The following CYTH2 variants were observed in gnomAD, a reference collection of about 807,000 sequenced individuals.
CYTH2 encodes cytohesin 2, also known as cytohesin-2.
CYTH2 carries 24 observed loss-of-function variants against 55.4 expected under a neutral mutation model. The ratio of observed to expected loss-of-function variants is 0.43; its 90% CI spans 0.31 to 0.61. The LOEUF is 0.61. Ranked by LOEUF, CYTH2 falls within the 20% of genes least tolerant of loss-of-function variation. The probability of loss-of-function intolerance (pLI) is 0.08; values close to 1 mark genes in which losing one functional copy is unlikely to be tolerated. For synonymous variants in CYTH2, 221 were observed against 209.6 expected (o/e 1.05, Z -0.47); for missense variants, 378 against 533.5 (o/e 0.71, Z 2.87).
intron 8 of CYTH2, chr19:48,475,937 C>T (rs1971903514): frequency 2.0e-6 from 1 of 498,880 alleles, no homozygotes; most frequent in Admixed American, 2.1e-5. Context: ...TACAGTCCAG[C>T]ACAGCAGTGG....
rs920917734 is a variant in CYTH2, at chr19:48,469,782, G to C, written c.19+256G>C. ...GGGATGGAGTGGTGGAGGCGAGGCC[G>C]GGGCGGAACCATTCCCGCTGGAGGG... On this transcript the variant is annotated intron_variant, in intron 1 of 11. Transcript: ENST00000452733. 3 of 647,624 alleles carry C rather than the reference G, an allele frequency of 4.6e-6. No homozygotes were observed. The East Asian group carries it at 8.7e-5, about 19-fold the overall frequency. The allele number at this position is 647,624 out of a possible 1,614,324, so 40.1% of individuals were successfully genotyped here.
chr19:48,479,189 G>A lies in CYTH2; in HGVS notation c.1179G>A (p.Lys393=). The change falls in exon 12 of 12, where the codon AAG becomes AAA. Residue 393 remains lysine (K), a synonymous_variant. Coordinates refer to ENST00000452733, the MANE Select transcript of CYTH2 (RefSeq NM_004228.7). ...LAARKKRISV[K]KKQEQP is the part of the protein sequence containing the mutation. ...CGAGAAAGAAGCGGATTTCAGTCAA[G>A]AAGAAGCAGGAGCAGCCCTGACCCC... 1 of 1,614,054 alleles carries A rather than the reference G, an allele frequency of 6.2e-7. No individual in the cohort carries two copies. Among genetic ancestry groups the A allele is most frequent in the South Asian group, 1.1e-5 (1 of 91,084 alleles).
intron 3 of CYTH2, among the ~76,000 whole-genome samples, chr19:48,472,102 T>C (rs1971809486): frequency 6.6e-6 from 1 of 152,128 alleles, no homozygotes; most frequent in South Asian, 2.1e-4. Context: ...CAGACCCTGT[T>C]GTTGGTGCTG....
chr19:48,476,063 G>A, intron 8 of CYTH2: 1 of 517,502 alleles, frequency 1.9e-6, no homozygotes, highest in Non-Finnish European at 3.9e-6. Context: ...TGAGTCTTGG[G>A]GGCCTCCCCA....
At position 48,478,588 on chromosome 19, in the gene CYTH2, A is replaced by G. The variant is rs761594213; in HGVS notation, c.1108A>G (p.Ile370Val). 1.0e-5 allele frequency: 16 copies of G among 1,607,372 alleles called. No homozygotes were observed. Among genetic ancestry groups the G allele is most frequent in the Non-Finnish European group, 1.4e-5 (16 of 1,175,988 alleles). ...GGAGAAGGACGAGTGGATCAAGTCCATCCAGTGAGCCTGGACTCCTGGGCC... is the reference window on the plus strand; with the variant it reads ...GGAGAAGGACGAGTGGATCAAGTCCGTCCAGTGAGCCTGGACTCCTGGGCC... ...QEEKDEWIKS[I>V]QAAVSVDPFY... Residue 370 changes from isoleucine (I) to valine (V), a missense_variant, in exon 11 of 12, where the codon ATC becomes GTC. Coordinates refer to ENST00000452733, the MANE Select transcript of CYTH2 (RefSeq NM_004228.7).
In CYTH2 at chr19:48,473,900, C is replaced by T. The variant is rs1216465746; in HGVS notation, c.435-5C>T. 9 of 1,599,314 alleles carry T rather than the reference C, an allele frequency of 5.6e-6. No homozygotes were observed. The highest frequency in any genetic ancestry group is 7.7e-6 in the Non-Finnish European group (9 of 1,172,722). On this transcript the variant is annotated splice_region_variant and splice_polypyrimidine_tract_variant and intron_variant, in intron 5 of 11. Coordinates refer to ENST00000452733, the MANE Select transcript of CYTH2 (RefSeq NM_004228.7). ...GCATCCATTCCTGGCCCCTCCCCAA[C>T]CCAGGCAGTTTCTATGGAGCTTTCG...
At chr19:48,469,689 G>A (rs1286165515) in intron 1 of CYTH2, 163 bp downstream of exon 1, 9 of 1,148,172 alleles carry the variant, frequency 7.8e-6, no homozygotes, top group Non-Finnish European at 1.1e-5. Flanking sequence ...CTTCCGGCGG[G>A]GCCCGAAAGC....
At position 48,473,972 on chromosome 19, in the gene CYTH2, G is replaced by A; in HGVS notation, c.502G>A (p.Ala168Thr). The A allele has an allele frequency of 2.5e-6, 4 of 1,613,758 alleles. No homozygotes were observed. The highest frequency in any genetic ancestry group is 3.4e-6 in the Non-Finnish European group (4 of 1,179,840). Residue 168 changes from alanine (A) to threonine (T), a missense_variant, in exon 6 of 12, where the codon GCC (alanine) becomes ACC (threonine). Physicochemically the swap from Ala to Thr is moderately conservative, Grantham distance 58. Transcript: ENST00000452733. Reference sequence around the variant, plus strand: ...AATTGACCGGATGATGGAGGCCTTCGCCCAGCGATACTGCCTGTGCAACCC... The same window carrying A: ...AATTGACCGGATGATGGAGGCCTTCACCCAGCGATACTGCCTGTGCAACCC... The part of the protein sequence containing the change: ...QKIDRMMEAF[A>T]QRYCLCNPGV...
intron 5 of CYTH2, 82 bp downstream of exon 5, chr19:48,473,460 G>A (rs1317022584): frequency 2.8e-6 from 4 of 1,418,932 alleles, no homozygotes; most frequent in African/African-American, 1.4e-5. Context: ...CCTTACTCAA[G>A]AAAAAAACAG....
chr19:48,473,590 T>C, intron 5 of CYTH2: 1 of 610,804 alleles, frequency 1.6e-6, no homozygotes, highest in South Asian at 2.0e-5. Context: ...GGTCAGAAAG[T>C]CGACTTTCTT....
At position 48,481,022 on chromosome 19, in the gene CYTH2, C is replaced by G. The variant is rs969888897; in HGVS notation, c.*1812C>G. 2 of 152,372 alleles carry G rather than the reference C, an allele frequency of 1.3e-5. No individual in the cohort carries two copies. Among genetic ancestry groups the G allele is most frequent in the African/African-American group, 2.4e-5 (1 of 41,460 alleles). The allele number at this position is 152,372 out of a possible 1,614,324, so 9.4% of individuals were successfully genotyped here. ...GGAGGGCCTCTGGCTGGATTCTTAGCAGATGGAAGCCGTGCAAGGGCAGGA... is the reference window on the plus strand; with the variant it reads ...GGAGGGCCTCTGGCTGGATTCTTAGGAGATGGAAGCCGTGCAAGGGCAGGA... On this transcript the variant is annotated 3_prime_UTR_variant, in exon 12 of 12. Transcript: ENST00000452733.
At chr19:48,472,132 A>G (rs1477534660) in intron 3 of CYTH2, among the ~76,000 whole-genome samples, 193 bp from the exon 4 acceptor site, 6 of 152,238 alleles carry the variant, frequency 3.9e-5, no homozygotes, top group Non-Finnish European at 8.8e-5. Context: ...AGGCAAAGGC[A>G]GAGAGGGTAG....
chr19:48,470,403 C>A lies in CYTH2; in HGVS notation c.70C>A (p.Arg24=), dbSNP rs777522359. ...GCGGATGGAGCTGGAGAACATCCGG[C>A]GGCGGAAGCAGGAGCTGCTGGTGGA... ...EERMELENIR[R]RKQELLVEIQ... is the part of the protein sequence containing the mutation. Residue 24 remains arginine (R), a synonymous_variant, in exon 2 of 12, where the codon CGG becomes AGG. Transcript: ENST00000452733. 5.0e-6 allele frequency: 8 copies of A among 1,613,800 alleles called. No homozygotes were observed. Among genetic ancestry groups the A allele is most frequent in the Non-Finnish European group, 1.7e-6 (2 of 1,179,990 alleles).
chr19:48,472,491 A>G (rs1036097148), intron 4 of CYTH2, 48 bp downstream of exon 4: 1 of 1,058,314 alleles, frequency 9.4e-7, no homozygotes, highest in South Asian at 1.6e-5. Flanking sequence ...CCCACCCCCC[A>G]GACCCAGCTC....
At position 48,474,482 on chromosome 19, in the gene CYTH2, C is replaced by G; in HGVS notation, c.696+152C>G. 1.1e-6 allele frequency: 1 copy of G among 918,912 alleles called. No homozygotes were observed. The highest frequency in any genetic ancestry group is 1.6e-6 in the Non-Finnish European group (1 of 632,018). 56.9% of individuals were successfully genotyped at this position (918,912 alleles called of 1,614,324 possible). A position where few individuals can be genotyped will look rare whatever the true frequency, so the allele number is the denominator to read the frequency against. ...TCGTGTGTGATCTTTTTCTCTCTCT[C>G]TGGGTGCTTCTCTTCTTGACTGTCT... On this transcript the variant is annotated intron_variant, in intron 7 of 11. Transcript: ENST00000452733. The surrounding 1 kb of genome is among the most constrained non-coding windows in gnomAD (Gnocchi z 4.9).
In CYTH2 at chr19:48,478,076, G is replaced by T; in HGVS notation, c.816G>T (p.Arg272=). The T allele has an allele frequency of 6.2e-7, 1 of 1,614,080 alleles. No homozygotes were observed. The highest frequency in any genetic ancestry group is 8.5e-7 in the Non-Finnish European group (1 of 1,179,956). Residue 272 remains arginine, a synonymous_variant, in exon 9 of 12, where the codon CGG becomes CGT. Coordinates refer to ENST00000452733, the MANE Select transcript of CYTH2 (RefSeq NM_004228.7). ...REGWLLKLGG[R]VKTWKRRWFI... is the part of the protein sequence containing the mutation. ...CCACCCCTTCCCTTTCAGGGGGCCG[G>T]GTGAAGACGTGGAAGCGGCGCTGGT...
intron 3 of CYTH2, 22 bp downstream of exon 3, chr19:48,470,691 G>C: frequency 6.2e-7 from 1 of 1,614,096 alleles, no homozygotes; most frequent in Non-Finnish European, 8.5e-7. Flanking sequence ...CACAGGACTG[G>C]GATCAGCTGG....
At chr19:48,473,032 A>G (rs1971836214) in intron 4 of CYTH2, 1 of 439,458 alleles carries the variant, frequency 2.3e-6, no homozygotes, top group Admixed American at 3.6e-5. Flanking sequence ...GACAGTAGGT[A>G]GCATACATGT....
At chr19:48,469,886 G>A (rs190391220) in intron 1 of CYTH2, 2 of 552,926 alleles carry the variant, frequency 3.6e-6, no homozygotes, top group Non-Finnish European at 7.0e-6. Context: ...GGGGGCGGGG[G>A]CCTTCGATGT....
Sources: allele counts gnomAD v4.1 joint callset (sites outside exome capture counted in the v4.1 genomes callset), GRCh38; gene constraint gnomAD v4.1.1; non-coding constraint Gnocchi (gnomAD v3.1); transcripts MANE v1.5; gene names NCBI Gene and HGNC (gene_info 2026-07-23, HGNC 2026-07-21).